The following EXOC6B variants were observed in gnomAD, a reference collection of about 807,000 sequenced individuals.
EXOC6B encodes SEC15 homolog B.
In EXOC6B, 54 loss-of-function variants were observed where a neutral mutation model predicts 113.5. The ratio of observed to expected loss-of-function variants is 0.48; its 90% CI spans 0.38 to 0.60. EXOC6B has a LOEUF of 0.60. Ranked by LOEUF, EXOC6B falls within the 20% of genes least tolerant of loss-of-function variation. EXOC6B has a pLI of 0.00. For missense variants in EXOC6B, 797 were observed against 977.5 expected, an observed-to-expected ratio of 0.82 and a Z score of 2.46; for synonymous variants, 357 against 339.0, an observed-to-expected ratio of 1.05 and a Z score of -0.58.
intron 18 of EXOC6B, among the ~76,000 whole-genome samples, chr2:72,455,154 C>T (rs7557942): frequency 0.24 from 36,268 of 152,052 alleles, 7,411 homozygotes; most frequent in African/African-American, 0.56. Flanking sequence ...ATGCCTCTAG[C>T]CCTTTTTAAG....
At chr2:72,460,085 G>A (rs1210847743) in intron 18 of EXOC6B, among the ~76,000 whole-genome samples, 2 of 151,874 alleles carry the variant, frequency 1.3e-5, no homozygotes, top group Non-Finnish European at 2.9e-5. Flanking sequence ...TGACAAACCT[G>A]AGAAAAACAA....
At chr2:72,195,861 T>C (rs1451338720) in intron 20 of EXOC6B, among the ~76,000 whole-genome samples, 4 of 152,226 alleles carry the variant, frequency 2.6e-5, no homozygotes, top group African/African-American at 7.2e-5. Flanking sequence ...TATTCATTAT[T>C]ATGAAAAATG....
intron 6 of EXOC6B, among the ~76,000 whole-genome samples, chr2:72,578,597 AG>A (rs1003062691): frequency 2.0e-5 from 3 of 152,068 alleles, no homozygotes; most frequent in African/African-American, 7.2e-5. Context: ...TCCTACCTTC[AG>A]TCAAACACGT....
chr2:72,670,965 A>G (rs1333011859), intron 6 of EXOC6B, among the ~76,000 whole-genome samples: 9 of 151,978 alleles, frequency 5.9e-5, no homozygotes, highest in Non-Finnish European at 1.0e-4. Flanking sequence ...ATTCAATCCA[A>G]TCACTCTACT....
intron 6 of EXOC6B, among the ~76,000 whole-genome samples, chr2:72,644,620 T>A (rs1673549841): frequency 6.6e-6 from 1 of 151,812 alleles, no homozygotes; most frequent in African/African-American, 2.4e-5. Context: ...CAGAAGAGAG[T>A]GGGGGCCAAT....
intron 20 of EXOC6B, among the ~76,000 whole-genome samples, chr2:72,198,210 A>G (rs1456520151): frequency 6.6e-6 from 1 of 152,180 alleles, no homozygotes; most frequent in Non-Finnish European, 1.5e-5. Context: ...TTAGAACACC[A>G]TGTTTTCAGA....
At chr2:72,440,043 C>T (rs1323381246) in intron 18 of EXOC6B, among the ~76,000 whole-genome samples, 1 of 152,080 alleles carries the variant, frequency 6.6e-6, no homozygotes, top group Admixed American at 6.6e-5. Context: ...GCAGTCTTCC[C>T]CTTCCTCTGA....
chr2:72,627,071 TG>T (rs1176149283), intron 6 of EXOC6B, among the ~76,000 whole-genome samples: 2 of 152,094 alleles, frequency 1.3e-5, no homozygotes, highest in African/African-American at 4.8e-5. Flanking sequence ...AAATAACATA[TG>T]TTTTGTAGTT....
intron 17 of EXOC6B, among the ~76,000 whole-genome samples, chr2:72,470,688 A>G (rs933589306): frequency 2.7e-5 from 4 of 147,896 alleles, no homozygotes; most frequent in Admixed American, 2.1e-4. Flanking sequence ...TCATTGTTCA[A>G]TTCCCACCTA....
At chr2:72,443,021 T>C (rs1419851943) in intron 18 of EXOC6B, among the ~76,000 whole-genome samples, 2 of 151,870 alleles carry the variant, frequency 1.3e-5, no homozygotes, top group Non-Finnish European at 2.9e-5. Context: ...AACAGCATGA[T>C]ATAGATACAA....
chr2:72,409,020 GA>G (rs1331591911), intron 18 of EXOC6B, among the ~76,000 whole-genome samples: 1 of 151,878 alleles, frequency 6.6e-6, no homozygotes, highest in African/African-American at 2.4e-5. Flanking sequence ...AAATTTACAA[GA>G]AAAAAACAAA....
chr2:72,802,993 C>T (rs538223154), intron 1 of EXOC6B, among the ~76,000 whole-genome samples: 2 of 152,270 alleles, frequency 1.3e-5, no homozygotes, highest in South Asian at 2.1e-4. Context: ...GAATTCAAAA[C>T]GTGGTGATCT....
chr2:72,590,865 A>T (rs1705900566), intron 6 of EXOC6B, among the ~76,000 whole-genome samples: 1 of 151,986 alleles, frequency 6.6e-6, no homozygotes, highest in Non-Finnish European at 1.5e-5. Context: ...AAAGAACCAT[A>T]ATCTAGCTTA....
chr2:72,336,900 G>C (rs1688722626), intron 19 of EXOC6B, among the ~76,000 whole-genome samples: 1 of 151,850 alleles, frequency 6.6e-6, no homozygotes, highest in Non-Finnish European at 1.5e-5. Flanking sequence ...TGAGCTACTT[G>C]GGAGGCTGAT....
intron 6 of EXOC6B, among the ~76,000 whole-genome samples, chr2:72,712,905 AAG>A (rs1347672441): frequency 1.2e-4 from 18 of 152,170 alleles, no homozygotes; most frequent in Admixed American, 1.2e-3. Flanking sequence ...ATTAAAGAAA[AAG>A]AGCTTCCTAG....
At chr2:72,396,083 CCT>C (rs1692709169) in intron 18 of EXOC6B, among the ~76,000 whole-genome samples, 1 of 151,928 alleles carries the variant, frequency 6.6e-6, no homozygotes, top group African/African-American at 2.4e-5. Context: ...CTTTCATACA[CCT>C]AGAAATCCAC....
chr2:72,242,023 C>A (rs1441615036), intron 20 of EXOC6B, among the ~76,000 whole-genome samples: 1 of 151,922 alleles, frequency 6.6e-6, no homozygotes, highest in Non-Finnish European at 1.5e-5. Context: ...GGCAACATAC[C>A]AAGACCTCGT....
chr2:72,250,210 T>G (rs1009250006), intron 20 of EXOC6B, among the ~76,000 whole-genome samples: 2 of 152,232 alleles, frequency 1.3e-5, no homozygotes, highest in Admixed American at 1.3e-4. Flanking sequence ...CTCCAAATTC[T>G]TGTATAAGCA....
In EXOC6B at chr2:72,731,199, C is replaced by T; in HGVS notation, c.374G>A (p.Arg125Lys). ...EELKQCRLQQ[R>K]NISATVDKLM... ...TTTATCAACAGTGGCAGAAATATTT[C>T]TCTGTTGTAGTCGACACTGCTTCAG... Residue 125 changes from arginine (R) to lysine (K), a missense_variant, in exon 4 of 22, where the codon AGA becomes AAA. By Grantham distance (26) the Arg-to-Lys change is conservative. Coordinates refer to ENST00000272427, the MANE Select transcript of EXOC6B (RefSeq NM_015189.3). 1 of 1,613,406 alleles carries T rather than the reference C, an allele frequency of 6.2e-7. No individual in the cohort carries two copies. Among genetic ancestry groups the T allele is most frequent in the Non-Finnish European group, 8.5e-7 (1 of 1,179,692 alleles).
Sources: gnomAD v4.1 joint callset for allele counts (sites outside exome capture counted in the v4.1 genomes callset) on GRCh38, gnomAD v4.1.1 for gene constraint, MANE v1.5 for transcripts, NCBI Gene and HGNC (gene_info 2026-07-23, HGNC 2026-07-21) for gene names.